HOMER2: variants seen among roughly 807,000 people sequenced by gnomAD.
The protein encoded by HOMER2 is homer scaffold protein 2.
Under a neutral mutation model 47.0 loss-of-function variants are expected in HOMER2, and 27 were observed. That is an observed-to-expected ratio of 0.57 (90% CI 0.42 to 0.79). The LOEUF (loss-of-function observed/expected upper bound fraction) is 0.79. Ranked by LOEUF, HOMER2 falls within the 30% of genes least tolerant of loss-of-function variation. The pLI is 0.00. For synonymous variants in HOMER2, 161 were observed against 163.8 expected, an observed-to-expected ratio of 0.98 and a Z score of 0.13; for missense variants, 443 against 435.0, an observed-to-expected ratio of 1.02 and a Z score of -0.16.
chr15:82,860,077 G>C (rs1850040223), intron 4 of HOMER2, among the ~76,000 whole-genome samples: 1 of 151,980 alleles, frequency 6.6e-6, no homozygotes, highest in Admixed American at 6.6e-5. Context: ...GTGAAACCCT[G>C]TCTCTACTAA....
intron 5 of HOMER2, among the ~76,000 whole-genome samples, chr15:82,855,135 GACC>G (rs2051533347): frequency 6.6e-6 from 1 of 151,878 alleles, no homozygotes; most frequent in Non-Finnish European, 1.5e-5. Flanking sequence ...AAGAAATCGA[GACC>G]ATCCTGGCCA....
chr15:82,918,112 C>T (rs1362885741), intron 1 of HOMER2, among the ~76,000 whole-genome samples: 3 of 152,052 alleles, frequency 2.0e-5, no homozygotes, highest in South Asian at 4.2e-4. Flanking sequence ...TTGCCCGAGC[C>T]GCATTACACA....
chr15:82,915,930 T>G (rs1309017599), intron 1 of HOMER2, among the ~76,000 whole-genome samples: 1 of 152,212 alleles, frequency 6.6e-6, no homozygotes, highest in Non-Finnish European at 1.5e-5. Context: ...CCTTTCAAAA[T>G]TATAAGTAAA....
intron 1 of HOMER2, among the ~76,000 whole-genome samples, chr15:82,938,377 C>A (rs949005580): frequency 3.3e-5 from 5 of 151,852 alleles, no homozygotes; most frequent in Non-Finnish European, 5.9e-5. Flanking sequence ...CCGTCCCCCG[C>A]AAAAAAAGAA....
intron 3 of HOMER2, among the ~76,000 whole-genome samples, chr15:82,865,108 G>A (rs2051923652): frequency 6.6e-6 from 1 of 152,212 alleles, no homozygotes; most frequent in African/African-American, 2.4e-5. Context: ...ACAGATGTAG[G>A]TGAACCCAGC....
upstream of HOMER2, among the ~76,000 whole-genome samples, chr15:82,953,725 C>CA (rs925036956): frequency 6.6e-6 from 1 of 151,730 alleles, no homozygotes; most frequent in African/African-American, 2.4e-5. Context: ...TACACACACA[C>CA]AAAAAAAATT....
intron 1 of HOMER2, among the ~76,000 whole-genome samples, chr15:82,904,045 G>A (rs555079373): frequency 6.6e-6 from 1 of 152,282 alleles, no homozygotes; most frequent in Non-Finnish European, 1.5e-5. Context: ...GCTGAGGTGG[G>A]AGGATCGCTT....
At chr15:82,860,370 TG>T (rs200657325) in intron 4 of HOMER2, among the ~76,000 whole-genome samples, 7 of 151,092 alleles carry the variant, frequency 4.6e-5, no homozygotes, top group African/African-American at 1.5e-4. Flanking sequence ...TAAAATATGG[TG>T]GGGGGGAGCA....
chr15:82,937,882 C>T (rs1387182409), intron 1 of HOMER2, among the ~76,000 whole-genome samples: 2 of 152,122 alleles, frequency 1.3e-5, no homozygotes, highest in Non-Finnish European at 2.9e-5. Flanking sequence ...GTTGGCACAC[C>T]ATCTACCAGT....
At chr15:82,854,438 G>T (rs1011789986) in intron 6 of HOMER2, among the ~76,000 whole-genome samples, 7 of 152,010 alleles carry the variant, frequency 4.6e-5, no homozygotes, top group African/African-American at 1.7e-4. Flanking sequence ...ACCAGAAAAG[G>T]TAATGAGTCA....
intron 1 of HOMER2, among the ~76,000 whole-genome samples, chr15:82,921,209 A>G (rs1454308324): frequency 6.6e-6 from 1 of 152,024 alleles, no homozygotes; most frequent in Non-Finnish European, 1.5e-5. Flanking sequence ...AATCACTTGA[A>G]CCCGGGAGGC....
upstream of HOMER2, among the ~76,000 whole-genome samples, chr15:82,955,071 C>T (rs376128971): frequency 2.6e-5 from 4 of 151,926 alleles, no homozygotes; most frequent in South Asian, 2.1e-4. Flanking sequence ...CCACCGTGCC[C>T]GGCCCATTCT....
At chr15:82,870,915 T>C (rs1239009728) in intron 3 of HOMER2, among the ~76,000 whole-genome samples, 1 of 152,246 alleles carries the variant, frequency 6.6e-6, no homozygotes, top group Non-Finnish European at 1.5e-5. Context: ...CTGTAATGAA[T>C]AAGATGGAAC....
At chr15:82,858,815 A>G (rs118108920) in intron 5 of HOMER2, among the ~76,000 whole-genome samples, 1,596 of 151,816 alleles carry the variant, frequency 0.011, 7 homozygotes, top group Non-Finnish European at 0.016. Flanking sequence ...CACACTCTCT[A>G]TTTCCCACAC....
At chr15:82,901,940 G>GGTGT (rs1165665415) in intron 1 of HOMER2, among the ~76,000 whole-genome samples, 1 of 152,192 alleles carries the variant, frequency 6.6e-6, no homozygotes, top group Non-Finnish European at 1.5e-5. Flanking sequence ...CCACAACACA[G>GGTGT]GTGTATTCTT....
chr15:82,968,923 A>C (rs1274710913), intron 1 of HOMER2, among the ~76,000 whole-genome samples: 1 of 152,226 alleles, frequency 6.6e-6, no homozygotes, highest in Non-Finnish European at 1.5e-5. Context: ...TCTGAGAAAT[A>C]CTGGGGGATT....
chr15:82,922,436 C>A (rs2053752408), intron 1 of HOMER2, among the ~76,000 whole-genome samples: 3 of 152,320 alleles, frequency 2.0e-5, no homozygotes, highest in Non-Finnish European at 2.9e-5. Context: ...CATGATACCT[C>A]CCTGCTTTAC....
intron 1 of HOMER2, among the ~76,000 whole-genome samples, chr15:82,975,537 G>T (rs920647433): frequency 6.6e-6 from 1 of 152,158 alleles, no homozygotes; most frequent in Non-Finnish European, 1.5e-5. Context: ...CGTAAAAAAA[G>T]AATGAGGTCC....
chr15:82,928,003 G>A lies in HOMER2; in HGVS notation c.5+24528C>T, dbSNP rs1166224645. On this transcript the variant is annotated intron_variant, in intron 1 of 8. Transcript: ENST00000450735. ...AAAAAAAAAAAAAAAAAAGTGCACC[G>A]CTAGGCTACTTCTGCCCCTCCACGG... 2.8e-5 allele frequency among the ~76,000 whole-genome samples: 4 copies of A among 143,370 alleles called. No individual in the cohort carries two copies. In the South Asian group the frequency reaches 6.5e-4, roughly 23 times the overall value. The allele number at this position is 143,370 out of a possible 152,430, so 94.1% of individuals were successfully genotyped here.
Sources: allele counts gnomAD v4.1 joint callset (sites outside exome capture counted in the v4.1 genomes callset), GRCh38; gene constraint gnomAD v4.1.1; transcripts MANE v1.5; gene names NCBI Gene and HGNC (gene_info 2026-07-23, HGNC 2026-07-21).